The following GNAT3 variants were observed in gnomAD, a reference collection of about 807,000 sequenced individuals.
GNAT3 encodes guanine nucleotide-binding protein G(t) subunit alpha-3.
Under a neutral mutation model 37.7 loss-of-function variants are expected in GNAT3, and 31 were observed. That is an observed-to-expected ratio of 0.82 (90% CI 0.62 to 1.11). The LOEUF (loss-of-function observed/expected upper bound fraction) is 1.11. GNAT3 is among the 50% of genes most tolerant of loss of function. The pLI, the probability that GNAT3 is intolerant of heterozygous loss-of-function variation, is 0.00. For missense variants in GNAT3, 437 were observed against 412.5 expected (o/e 1.06, Z -0.51); for synonymous variants, 138 against 139.8 (o/e 0.99, Z 0.09).
At chr7:80,484,569 A>G (rs1313141919) in intron 3 of GNAT3, among the ~76,000 whole-genome samples, 1 of 152,076 alleles carries the variant, frequency 6.6e-6, no homozygotes, top group African/African-American at 2.4e-5. Context: ...GCATTCTTTT[A>G]TGTCAGTTGA....
Position 80,487,937 on chromosome 7 carries a change from T to C in GNAT3, c.303+598A>G, listed in dbSNP as rs554114668. Among the ~76,000 whole-genome samples the C allele has an allele frequency of 2.0e-5, 3 of 152,302 alleles. No individual in the cohort carries two copies. In the South Asian group the frequency reaches 6.2e-4, roughly 32 times the overall value. On this transcript the variant is annotated intron_variant, in intron 3 of 7. Transcript: ENST00000398291. ...AGTGGATTTCAAATATAATTTAATG[T>C]AAAATAATTAGATAGCAAAATATAA...
At chr7:80,485,171 T>TG (rs370256583) in intron 3 of GNAT3, among the ~76,000 whole-genome samples, 17 of 19,678 alleles carry the variant, frequency 8.6e-4, no homozygotes, top group Non-Finnish European at 1.9e-3. Flanking sequence ...ATATTGTGTG[T>TG]TTTTTTTTTT....
chr7:80,469,222 T>C (rs1790171233), intron 5 of GNAT3, among the ~76,000 whole-genome samples: 1 of 152,200 alleles, frequency 6.6e-6, no homozygotes, highest in South Asian at 2.1e-4. Flanking sequence ...TAAACAGTTA[T>C]GGTAATTTAT....
At chr7:80,465,017 A>T (rs1790109452) in intron 5 of GNAT3, among the ~76,000 whole-genome samples, 1 of 152,136 alleles carries the variant, frequency 6.6e-6, no homozygotes, top group African/African-American at 2.4e-5. Context: ...GAGGAAGGGG[A>T]CCAAAGTTTG....
At chr7:80,495,543 C>T (rs1280429166) in intron 1 of GNAT3, among the ~76,000 whole-genome samples, 1 of 151,876 alleles carries the variant, frequency 6.6e-6, no homozygotes, top group East Asian at 1.9e-4. Flanking sequence ...GATCTCAGCT[C>T]ACTGCGACCT....
intron 7 of GNAT3, among the ~76,000 whole-genome samples, chr7:80,460,810 T>C (rs1790035686): frequency 6.6e-6 from 1 of 151,874 alleles, no homozygotes; most frequent in Non-Finnish European, 1.5e-5. Flanking sequence ...AATTCATCAA[T>C]ATAATTCATC....
intron 7 of GNAT3, among the ~76,000 whole-genome samples, chr7:80,459,845 T>A (rs1330382055): frequency 2.0e-5 from 3 of 152,196 alleles, no homozygotes; most frequent in Non-Finnish European, 4.4e-5. Context: ...CAATACCAAA[T>A]TCTGGTAAGT....
chr7:80,458,779 A>T lies in GNAT3; in HGVS notation c.957T>A (p.Ile319=). 6.3e-7 allele frequency: 1 copy of T among 1,597,926 alleles called. No individual in the cohort carries two copies. The highest frequency in any genetic ancestry group is 2.2e-5 in the East Asian group (1 of 44,538). The part of the protein sequence containing the change: ...DLNLKKEDKE[I]YSHMTCATDT... ...CAGTAGCACAGGTCATGTGGGAATAAATTTCCTTATCTTCTTTTTTTAAAT... is the reference window on the plus strand; with the variant it reads ...CAGTAGCACAGGTCATGTGGGAATATATTTCCTTATCTTCTTTTTTTAAAT... Residue 319 remains isoleucine (I), a synonymous_variant, in exon 8 of 8, where the codon ATT becomes ATA. Transcript: ENST00000398291.
At position 80,511,797 on chromosome 7, in the gene GNAT3, A is replaced by T; in HGVS notation, c.118+12T>A. ...AGTCAGGTTTTTGAAAGCAAAAGGGAAAAGAAATTACCTAATAGTAGCAGC... is the reference window on the plus strand; with the variant it reads ...AGTCAGGTTTTTGAAAGCAAAAGGGTAAAGAAATTACCTAATAGTAGCAGC... On this transcript the variant is annotated intron_variant, in intron 1 of 7. Coordinates refer to ENST00000398291, the MANE Select transcript of GNAT3 (RefSeq NM_001102386.3). The T allele has an allele frequency of 6.4e-7, 1 of 1,563,918 alleles. No individual in the cohort carries two copies. Among genetic ancestry groups the T allele is most frequent in the Non-Finnish European group, 8.8e-7 (1 of 1,139,420 alleles).
intron 2 of GNAT3, 74 bp downstream of exon 2, chr7:80,494,531 G>T: frequency 1.3e-6 from 1 of 787,718 alleles, no homozygotes; most frequent in South Asian, 1.7e-5. Context: ...ATTTACAAAA[G>T]CATGTATTTT....
At chr7:80,493,328 A>G (rs1031693279) in intron 2 of GNAT3, among the ~76,000 whole-genome samples, 21 of 152,124 alleles carry the variant, frequency 1.4e-4, no homozygotes, top group African/African-American at 5.1e-4. Flanking sequence ...AAATGGTGCA[A>G]TCCCAGGGAA....
At chr7:80,471,176 T>G (rs1213190931) in intron 5 of GNAT3, among the ~76,000 whole-genome samples, 1 of 149,886 alleles carries the variant, frequency 6.7e-6, no homozygotes. Context: ...GCTGGGAGGC[T>G]AGGCCAGTCT....
intron 1 of GNAT3, among the ~76,000 whole-genome samples, chr7:80,505,310 G>A (rs547674018): frequency 2.4e-4 from 36 of 152,280 alleles, no homozygotes; most frequent in African/African-American, 7.9e-4. Flanking sequence ...ACTAAATATG[G>A]AAAAGTATGA....
chr7:80,462,946 G>A (rs1790075535), intron 5 of GNAT3, among the ~76,000 whole-genome samples: 1 of 152,090 alleles, frequency 6.6e-6, no homozygotes, highest in Admixed American at 6.5e-5. Flanking sequence ...TTTGATAAAA[G>A]TTTAGACATA....
intron 5 of GNAT3, among the ~76,000 whole-genome samples, chr7:80,466,161 G>A (rs1233240824): frequency 6.6e-6 from 1 of 152,066 alleles, no homozygotes; most frequent in African/African-American, 2.4e-5. Context: ...AAAGAGTAAT[G>A]GAATGTTTGT....
At chr7:80,505,489 C>T (rs1790917623) in intron 1 of GNAT3, among the ~76,000 whole-genome samples, 1 of 152,130 alleles carries the variant, frequency 6.6e-6, no homozygotes, top group Admixed American at 6.5e-5. Context: ...GCCTCAGCCT[C>T]CCGAGTAGCT....
At chr7:80,481,739 ATCTATTGCC>A (rs1790395113) in intron 3 of GNAT3, among the ~76,000 whole-genome samples, 1 of 152,132 alleles carries the variant, frequency 6.6e-6, no homozygotes, top group African/African-American at 2.4e-5. Flanking sequence ...AATATTTGCC[ATCTATTGCC>A]TCTAAGGGTG....
At chr7:80,497,543 C>CACATATACGTATAT (rs1239893205) in intron 1 of GNAT3, among the ~76,000 whole-genome samples, 3 of 106,624 alleles carry the variant, frequency 2.8e-5, no homozygotes, top group Admixed American at 1.0e-4. Flanking sequence ...TATATATATA[C>CACATATACGTATAT]ACATATACGT....
intron 3 of GNAT3, among the ~76,000 whole-genome samples, chr7:80,482,654 C>A (rs1294026511): frequency 2.0e-5 from 3 of 150,358 alleles, no homozygotes; most frequent in Non-Finnish European, 3.0e-5. Context: ...GCTGAGACTA[C>A]AGGTGCACAC....
Sources: allele counts gnomAD v4.1 joint callset (sites outside exome capture counted in the v4.1 genomes callset), GRCh38; gene constraint gnomAD v4.1.1; transcripts MANE v1.5; gene names NCBI Gene and HGNC (gene_info 2026-07-23, HGNC 2026-07-21).